The following CLN6 variants were observed in gnomAD, a reference collection of about 807,000 sequenced individuals.
CLN6 encodes the protein CLN6 transmembrane ER protein, also known as ceroid-lipofuscinosis neuronal protein 6.
In CLN6, 22 loss-of-function variants were observed where a neutral mutation model predicts 33.3. The ratio of observed to expected loss-of-function variants is 0.66; its 90% confidence interval spans 0.47 to 0.94. The LOEUF (loss-of-function observed/expected upper bound fraction) is 0.94, where lower values mean the gene tolerates loss of function less well. Among genes scored for constraint, CLN6 ranks in the 40% least tolerant of loss-of-function variants. The pLI is 0.00. For missense variants in CLN6, 387 were observed against 417.1 expected (o/e 0.93, Z 0.63); for synonymous variants, 201 against 174.6 (o/e 1.15, Z -1.19).
intron 1 of CLN6, among the ~76,000 whole-genome samples, chr15:68,252,705 A>G (rs868103797): frequency 5.9e-5 from 9 of 152,260 alleles, no homozygotes; most frequent in African/African-American, 2.2e-4. Context: ...ATAGTGATAT[A>G]TTCACAGAGT....
chr15:68,208,038 G>A lies in CLN6; in HGVS notation c.*102C>T, dbSNP rs965994980. ...CGAGGCACACCCCACTCATGCTCTCGGTCTCTGGTTACACACCCACACCCC... is the reference window on the plus strand; with the variant it reads ...CGAGGCACACCCCACTCATGCTCTCAGTCTCTGGTTACACACCCACACCCC... On this transcript the variant is annotated 3_prime_UTR_variant, in exon 7 of 7. Transcript: ENST00000249806. This position sits in a 1 kb window ranked among gnomAD's most constrained non-coding sequence, Gnocchi z 5.8. 16 of 1,299,086 alleles carry A rather than the reference G, an allele frequency of 1.2e-5. No homozygotes were observed. The African/African-American group carries it at 1.5e-4, about 12-fold the overall frequency. 80.5% of individuals were successfully genotyped at this position (1,299,086 alleles called of 1,614,324 possible).
chr15:68,208,348 G>T lies in CLN6; in HGVS notation c.728C>A (p.Ala243Asp). 6.2e-7 allele frequency: 1 copy of T among 1,613,992 alleles called. No homozygotes were observed. The highest frequency in any genetic ancestry group is 8.5e-7 in the Non-Finnish European group (1 of 1,180,044). Reference sequence around the variant, plus strand: ...CTTGCGCTTCTGGTGCAGGACGAGGGCCAGCATGGCGAAGAAGGTGAAGAT... The same window carrying T: ...CTTGCGCTTCTGGTGCAGGACGAGGTCCAGCATGGCGAAGAAGGTGAAGAT... Reference protein sequence around the residue: ...LFIFTFFAMLALVLHQKRKRL... With the variant: ...LFIFTFFAMLDLVLHQKRKRL... The change falls in exon 7 of 7, where the codon GCC (alanine) becomes GAC (aspartate). Residue 243 changes from alanine (A) to aspartate (D), a missense_variant. Transcript: ENST00000249806. The surrounding 1 kb of genome is among the most constrained non-coding windows in gnomAD (Gnocchi z 5.8).
chr15:68,214,122 C>T lies in CLN6; in HGVS notation c.297+168G>A, dbSNP rs865949843. 1.3e-4 allele frequency: 80 copies of T among 616,356 alleles called. 1 individual carries two copies. The Middle Eastern group carries it at 2.8e-3, about 21-fold the overall frequency. The allele number at this position is 616,356 out of a possible 1,614,324, so 38.2% of individuals were successfully genotyped here. A position where few individuals can be genotyped will look rare whatever the true frequency, so the allele number is the denominator to read the frequency against. On this transcript the variant is annotated intron_variant, in intron 3 of 6. Transcript: ENST00000249806. ...CATCCCTCCAGGCCACCGGCAGCTC[C>T]GCCTTCCCCGGGCCCCAGGCCCTGG... is the stretch of plus-strand genomic sequence containing the variant.
chr15:68,235,371 G>A (rs1472379721), intron 1 of CLN6, among the ~76,000 whole-genome samples: 1 of 152,018 alleles, frequency 6.6e-6, no homozygotes, highest in East Asian at 1.9e-4. Context: ...GGTGAGCCAC[G>A]AGTAATATCT....
chr15:68,248,007 A>G (rs1456057697), intron 1 of CLN6, among the ~76,000 whole-genome samples: 2 of 148,788 alleles, frequency 1.3e-5, no homozygotes, highest in Non-Finnish European at 1.5e-5. Context: ...CAGCCTGGGC[A>G]CTAACAGTGA....
intron 1 of CLN6, among the ~76,000 whole-genome samples, chr15:68,251,845 A>G (rs577226646): frequency 2.6e-5 from 4 of 152,312 alleles, no homozygotes; most frequent in African/African-American, 9.6e-5. Flanking sequence ...AGAATTAATA[A>G]GAGAGTCCAG....
upstream of CLN6, chr15:68,257,177 C>G: frequency 3.5e-6 from 1 of 286,494 alleles, no homozygotes; most frequent in Middle Eastern, 9.6e-4. Flanking sequence ...ACGCACGCGC[C>G]CGGCGTCGCT....
chr15:68,218,682 CTT>C (rs2093227349), intron 1 of CLN6, 32 bp from the exon 2 acceptor site: 1 of 1,520,670 alleles, frequency 6.6e-7, no homozygotes, highest in Non-Finnish European at 9.1e-7. Context: ...GAAGTCAGCT[CTT>C]CTCTCCTCCT....
intron 1 of CLN6, chr15:68,254,812 G>A (rs1379459298): frequency 1.7e-5 from 19 of 1,090,266 alleles, no homozygotes; most frequent in Non-Finnish European, 2.0e-5. Flanking sequence ...GGGAAAAGCT[G>A]AAGCTGGCAA....
At chr15:68,240,641 G>T (rs1270232453) in intron 1 of CLN6, among the ~76,000 whole-genome samples, 1 of 151,402 alleles carries the variant, frequency 6.6e-6, no homozygotes, top group Non-Finnish European at 1.5e-5. Flanking sequence ...ACAAGCCAGG[G>T]GAGGGCCAGA....
Position 68,209,692 on chromosome 15 carries a change from TCTCAGCTTTAGAGGCAGTA to T in CLN6, c.591_609del (p.Phe197LeufsTer3). ...AGCAGGGCAGGCCCTGGAATCAAGC[TCTCAGCTTTAGAGGCAGTA>T]AAGCAGCCGCTGAAGTACATGAAGA... On this transcript the variant is annotated frameshift_variant, in exon 6 of 7. Transcript: ENST00000249806. LOFTEE classifies it high-confidence loss of function. This position sits in a 1 kb window ranked among gnomAD's most constrained non-coding sequence, Gnocchi z 4.9. 1 of 1,613,704 alleles carries T rather than the reference TCTCAGCTTTAGAGGCAGTA, an allele frequency of 6.2e-7. No homozygotes were observed. The highest frequency in any genetic ancestry group is 1.1e-5 in the South Asian group (1 of 91,048).
At position 68,220,691 on chromosome 15, in the gene CLN6, CA is replaced by C. The variant is rs1258516592; in HGVS notation, c.84-2042del. Among the ~76,000 whole-genome samples the C allele has an allele frequency of 6.6e-6, 1 of 152,216 alleles. No homozygotes were observed. Among genetic ancestry groups the C allele is most frequent in the Non-Finnish European group, 1.5e-5 (1 of 68,034 alleles). On this transcript the variant is annotated intron_variant, in intron 1 of 6. Transcript: ENST00000249806. The surrounding 1 kb of genome is among the most constrained non-coding windows in gnomAD (Gnocchi z 4.2). ...CAGTTCATGATCTGGCCATATGAGCCAACACATTCCTTTTTGCTAAGGATGG... is the reference window on the plus strand; with the variant it reads ...CAGTTCATGATCTGGCCATATGAGCCACACATTCCTTTTTGCTAAGGATGG...
chr15:68,250,161 A>G (rs1305004155), intron 1 of CLN6, among the ~76,000 whole-genome samples: 1 of 152,180 alleles, frequency 6.6e-6, no homozygotes, highest in African/African-American at 2.4e-5. Context: ...AGCTATCCCA[A>G]TGGCCCTGAT....
In CLN6 at chr15:68,207,683, T is replaced by C; in HGVS notation, c.*457A>G. ...CAGTAGGCTGACGTAACCTATGTAA[T>C]GTAGGGTCAGGGTGGGCCTGAGGGA... On this transcript the variant is annotated 3_prime_UTR_variant, in exon 7 of 7. Transcript: ENST00000249806. The C allele has an allele frequency of 4.0e-6, 1 of 247,782 alleles. No homozygotes were observed. The highest frequency in any genetic ancestry group is 9.9e-5 in the East Asian group (1 of 10,068). 15.3% of individuals were successfully genotyped at this position (247,782 alleles called of 1,614,324 possible). A position where few individuals can be genotyped will look rare whatever the true frequency, so the allele number is the denominator to read the frequency against.
chr15:68,254,749 CA>C, intron 1 of CLN6: 1 of 762,446 alleles, frequency 1.3e-6, no homozygotes. Flanking sequence ...AGCCAGAGCC[CA>C]AACCTAAAAA....
At chr15:68,222,263 AG>A (rs1410931553) in intron 1 of CLN6, among the ~76,000 whole-genome samples, 1 of 117,890 alleles carries the variant, frequency 8.5e-6, no homozygotes, top group Non-Finnish European at 1.7e-5. Flanking sequence ...CCATCTGGGA[AG>A]TGAGGAGCAC....
At chr15:68,251,967 CTTTTTTTTTTTT>C (rs35907860) in intron 1 of CLN6, among the ~76,000 whole-genome samples, 2 of 71,868 alleles carry the variant, frequency 2.8e-5, no homozygotes, top group Admixed American at 2.0e-4. Flanking sequence ...ATGTGTGAAT[CTTTTTTTTTTTT>C]TTTTTTTTTT....
chr15:68,229,261 C>A (rs1342025953), intron 1 of CLN6, among the ~76,000 whole-genome samples: 1 of 152,162 alleles, frequency 6.6e-6, no homozygotes, highest in African/African-American at 2.4e-5. Flanking sequence ...TCCTCCCACC[C>A]GAGCAACGGC....
rs1892219350 is a variant in CLN6 at position 68,236,302 on chromosome 15, AG to A, written c.180-17653del. Among the ~76,000 whole-genome samples, 1 of 152,264 alleles carries A rather than the reference AG, an allele frequency of 6.6e-6. No individual in the cohort carries two copies. The highest frequency in any genetic ancestry group is 6.5e-5 in the Admixed American group (1 of 15,292). Reference sequence around the variant, plus strand: ...AAAAAAAGTCCACAGAAAAACTTACAGATGAATGTTCATAGGAGCATTATTC... The same window carrying A: ...AAAAAAAGTCCACAGAAAAACTTACAATGAATGTTCATAGGAGCATTATTC... On this transcript the variant is annotated intron_variant, in intron 1 of 6. Transcript: ENST00000538696. This position sits in a 1 kb window ranked among gnomAD's most constrained non-coding sequence, Gnocchi z 4.5.
Sources: gnomAD v4.1 joint callset for allele counts (sites outside exome capture counted in the v4.1 genomes callset) on GRCh38, gnomAD v4.1.1 for gene constraint, Gnocchi (gnomAD v3.1) non-coding constraint, MANE v1.5 for transcripts, NCBI Gene and HGNC (gene_info 2026-07-23, HGNC 2026-07-21) for gene names.